The following PRORP variants were observed in gnomAD, a reference collection of about 807,000 sequenced individuals.
PRORP encodes the protein protein only RNase P catalytic subunit.
PRORP carries 51 observed loss-of-function variants against 59.4 expected under a neutral mutation model. The observed-to-expected ratio is 0.86, with a 90% CI of 0.69 to 1.08. The LOEUF (loss-of-function observed/expected upper bound fraction) is 1.08, where lower values mean the gene tolerates loss of function less well. PRORP is among the 50% of genes least tolerant of loss of function. PRORP has a pLI of 0.00. For missense variants in PRORP, 646 were observed against 690.3 expected (o/e 0.94, Z 0.72); for synonymous variants, 231 against 245.6 (o/e 0.94, Z 0.55).
At chr14:35,224,306 A>G (rs997154577) in intron 5 of PRORP, among the ~76,000 whole-genome samples, 5 of 152,260 alleles carry the variant, frequency 3.3e-5, no homozygotes, top group Admixed American at 6.5e-5. Context: ...ATAAGTATCT[A>G]AGTTATCAAG....
chr14:35,174,356 A>G (rs962460872), intron 4 of PRORP, among the ~76,000 whole-genome samples: 2 of 152,274 alleles, frequency 1.3e-5, no homozygotes, highest in Middle Eastern at 3.4e-3. Flanking sequence ...TACCAGAGGT[A>G]GAACTCCCTC....
intron 4 of PRORP, among the ~76,000 whole-genome samples, chr14:35,133,025 G>A (rs1194066505): frequency 3.9e-5 from 6 of 151,918 alleles, no homozygotes; most frequent in African/African-American, 1.2e-4. Context: ...AGGTTCAAGC[G>A]ATTATCCTGC....
At chr14:35,267,424 G>A (rs895473845) in intron 6 of PRORP, among the ~76,000 whole-genome samples, 1 of 152,104 alleles carries the variant, frequency 6.6e-6, no homozygotes, top group African/African-American at 2.4e-5. Flanking sequence ...GGGCAGATTC[G>A]ATGAGGAGTG....
intron 2 of PRORP, among the ~76,000 whole-genome samples, chr14:35,124,593 A>T (rs781080596): frequency 2.6e-5 from 4 of 151,406 alleles, no homozygotes; most frequent in Non-Finnish European, 5.9e-5. Flanking sequence ...GTAACAACAT[A>T]CATAATTTGT....
At chr14:35,214,244 G>C (rs2049527781) in intron 5 of PRORP, among the ~76,000 whole-genome samples, 1 of 152,104 alleles carries the variant, frequency 6.6e-6, no homozygotes, top group Non-Finnish European at 1.5e-5. Flanking sequence ...GACAAGCCCT[G>C]TATTATTTTT....
rs750804324 is a variant in PRORP, at chr14:35,123,671, T to G, written c.426T>G (p.Ser142Arg). 46 of 1,614,078 alleles carry G rather than the reference T, an allele frequency of 2.8e-5. No individual in the cohort carries two copies. The highest frequency in any genetic ancestry group is 3.8e-5 in the Non-Finnish European group (45 of 1,180,046). ...ACACCGGAAAGACCAGTTTCGAAAG[T>G]TGGATCATTTCACAGATGGCTGGCT... ...KENTGKTSFE[S>R]WIISQMAGCH... is the part of the protein sequence containing the mutation. The change falls in exon 2 of 8, where the codon AGT becomes AGG. Residue 142 changes from serine to arginine, a missense_variant. By Grantham distance (110) the Ser-to-Arg change is moderately radical. Transcript: ENST00000534898.
chr14:35,191,383 A>G (rs530523969), intron 5 of PRORP, among the ~76,000 whole-genome samples: 24 of 152,304 alleles, frequency 1.6e-4, no homozygotes, highest in Admixed American at 4.6e-4. Context: ...CTTTTTCATT[A>G]TAAATTACCC....
intron 2 of PRORP, among the ~76,000 whole-genome samples, chr14:35,126,155 T>C (rs1047317184): frequency 2.0e-5 from 3 of 152,004 alleles, no homozygotes; most frequent in African/African-American, 4.8e-5. Flanking sequence ...TGAGAGATGA[T>C]GAGAATTAAG....
intron 4 of PRORP, among the ~76,000 whole-genome samples, chr14:35,168,465 C>T (rs1361895473): frequency 2.6e-5 from 4 of 152,088 alleles, no homozygotes; most frequent in Admixed American, 1.3e-4. Flanking sequence ...CAGGTTTTGT[C>T]ACTTGTCCCA....
At position 35,275,708 on chromosome 14, in the gene PRORP, T is replaced by A. The variant is rs1158147377; in HGVS notation, c.*2142T>A. On this transcript the variant is annotated 3_prime_UTR_variant, in exon 8 of 8. Coordinates refer to ENST00000534898, the MANE Select transcript of PRORP (RefSeq NM_014672.4). ...CGAAGTGGTGGCTCATACCTGTTAA[T>A]TCCAGCACTTTGGGAGGCCAAGACA... The A allele has an allele frequency of 6.6e-6, 1 of 151,732 alleles. No homozygotes were observed. The highest frequency in any genetic ancestry group is 1.5e-5 in the Non-Finnish European group (1 of 68,040). 9.4% of individuals were successfully genotyped at this position (151,732 alleles called of 1,614,324 possible).
intron 5 of PRORP, among the ~76,000 whole-genome samples, chr14:35,236,805 A>T (rs1319484555): frequency 6.6e-6 from 1 of 152,120 alleles, no homozygotes. Context: ...CTGTATGTCC[A>T]AAACTGAACT....
chr14:35,245,360 T>A (rs1003093597), intron 5 of PRORP, among the ~76,000 whole-genome samples: 2 of 152,154 alleles, frequency 1.3e-5, no homozygotes, highest in Non-Finnish European at 2.9e-5. Flanking sequence ...AAAAGGATGG[T>A]GGCCATGCAC....
chr14:35,206,537 C>G (rs1393192562), intron 5 of PRORP, among the ~76,000 whole-genome samples: 1 of 152,204 alleles, frequency 6.6e-6, no homozygotes, highest in Non-Finnish European at 1.5e-5. Context: ...TCCCACCAAC[C>G]AGACCCAGGT....
chr14:35,258,589 C>CT (rs889440265), intron 5 of PRORP, among the ~76,000 whole-genome samples: 2 of 151,332 alleles, frequency 1.3e-5, no homozygotes, highest in Admixed American at 1.3e-4. Context: ...AAGTGTACTC[C>CT]TTATCAGTAA....
chr14:35,173,976 T>G (rs975071665), intron 4 of PRORP, among the ~76,000 whole-genome samples: 4 of 151,990 alleles, frequency 2.6e-5, no homozygotes, highest in Non-Finnish European at 4.4e-5. Context: ...ACATATAACG[T>G]CTACTTGGGC....
chr14:35,248,793 G>A lies in PRORP; in HGVS notation c.1276-17934G>A, dbSNP rs1015055294. Among the ~76,000 whole-genome samples the A allele has an allele frequency of 1.1e-4, 16 of 152,188 alleles. 1 individual carries two copies. The highest frequency in any genetic ancestry group is 9.6e-4 in the East Asian group (5 of 5,200). ...CTCTATGTCTGGGACAGGGATTCTC[G>A]TCCCAAAACTTAGCTCAAGAGAAAA... On this transcript the variant is annotated intron_variant, in intron 5 of 7. Coordinates refer to ENST00000534898, the MANE Select transcript of PRORP (RefSeq NM_014672.4).
chr14:35,122,214 A>G (rs1484838398), upstream of PRORP: 2 of 499,426 alleles, frequency 4.0e-6, no homozygotes, highest in Non-Finnish European at 7.3e-6. Context: ...GAGGCGACCC[A>G]AGCTCACCAA....
intron 4 of PRORP, among the ~76,000 whole-genome samples, chr14:35,162,066 C>CT (rs2048074821): frequency 6.6e-6 from 1 of 151,950 alleles, no homozygotes; most frequent in Admixed American, 6.6e-5. Context: ...TTCCCCTTCT[C>CT]TTTTTTCTTC....
rs147065101 is a variant in PRORP, at chr14:35,180,763, C to A, written c.1261C>A (p.Arg421Ser). 1.9e-6 allele frequency: 3 copies of A among 1,600,416 alleles called. No individual in the cohort carries two copies. Among genetic ancestry groups the A allele is most frequent in the Non-Finnish European group, 2.6e-6 (3 of 1,168,614 alleles). ...LNVAKMFPKVRESQLLLNVVS... is the reference protein window; with the variant it reads ...LNVAKMFPKVSESQLLLNVVS... Reference sequence around the variant, plus strand: ...TGTTGCCAAAATGTTTCCTAAAGTTCGTGAATCTCAACTTGTAAGTATAAG... The same window carrying A: ...TGTTGCCAAAATGTTTCCTAAAGTTAGTGAATCTCAACTTGTAAGTATAAG... Residue 421 changes from arginine to serine, a missense_variant, in exon 5 of 8, where the codon CGT (arginine) becomes AGT (serine). Transcript: ENST00000534898.
Sources: allele counts gnomAD v4.1 joint callset (sites outside exome capture counted in the v4.1 genomes callset), GRCh38; gene constraint gnomAD v4.1.1; transcripts MANE v1.5; gene names NCBI Gene and HGNC (gene_info 2026-07-23, HGNC 2026-07-21).